Variants in PHF20 observed in about 807,000 individuals in gnomAD.
PHF20 encodes the protein glioma-expressed antigen 2.
A neutral mutation model predicts 113.5 loss-of-function variants in PHF20; 23 were observed. That is an observed-to-expected ratio of 0.20 (90% CI 0.15 to 0.29). The LOEUF (loss-of-function observed/expected upper bound fraction) is 0.29. Among genes scored for constraint, PHF20 ranks in the 10% least tolerant of loss-of-function variants. The probability of loss-of-function intolerance (pLI) is 1.00; values close to 1 mark genes in which losing one functional copy is unlikely to be tolerated. For missense variants in PHF20, 943 were observed against 1,219.6 expected, an observed-to-expected ratio of 0.77 and a Z score of 3.38; for synonymous variants, 434 against 457.3, an observed-to-expected ratio of 0.95 and a Z score of 0.65.
intron 17 of PHF20, among the ~76,000 whole-genome samples, chr20:35,944,393 C>T (rs770973467): frequency 5.9e-5 from 9 of 152,086 alleles, no homozygotes; most frequent in Non-Finnish European, 1.2e-4. Context: ...CCTCCTGGGC[C>T]ACCGTAGTAT....
chr20:35,920,010 G>T (rs2055481157), intron 13 of PHF20, among the ~76,000 whole-genome samples: 1 of 152,160 alleles, frequency 6.6e-6, no homozygotes, highest in Non-Finnish European at 1.5e-5. Flanking sequence ...ATACTCATTT[G>T]TGTGTGCATA....
intron 2 of PHF20, among the ~76,000 whole-genome samples, chr20:35,804,161 G>A (rs1237598204): frequency 3.3e-5 from 5 of 150,962 alleles, no homozygotes; most frequent in Non-Finnish European, 5.9e-5. Flanking sequence ...TGCAACATCC[G>A]CCTCCTGGGT....
chr20:35,841,886 T>G (rs970823423), intron 2 of PHF20, among the ~76,000 whole-genome samples: 8 of 152,248 alleles, frequency 5.3e-5, no homozygotes, highest in Admixed American at 3.3e-4. Flanking sequence ...TCTGATTTAT[T>G]GGCACATGTA....
intron 2 of PHF20, among the ~76,000 whole-genome samples, chr20:35,804,700 A>T (rs1331103996): frequency 2.0e-5 from 3 of 150,164 alleles, no homozygotes; most frequent in Non-Finnish European, 3.0e-5. Flanking sequence ...TTTTTATTGT[A>T]TTTTTTTTTA....
At chr20:35,845,250 T>A (rs1489888259) in intron 3 of PHF20, 1 of 152,038 alleles carries the variant, frequency 6.6e-6, no homozygotes, top group African/African-American at 2.4e-5. Context: ...TTTTTAATTT[T>A]ATTTATTAAT....
At chr20:35,905,925 G>A (rs2055193423) in intron 10 of PHF20, among the ~76,000 whole-genome samples, 1 of 152,236 alleles carries the variant, frequency 6.6e-6, no homozygotes, top group South Asian at 2.1e-4. Context: ...GGTCAGTTTA[G>A]ATTTGCTTTT....
chr20:35,891,855 T>A (rs2054870324), intron 9 of PHF20, among the ~76,000 whole-genome samples: 1 of 151,972 alleles, frequency 6.6e-6, no homozygotes, highest in African/African-American at 2.4e-5. Flanking sequence ...ATTCTATTTT[T>A]TATATATTAT....
chr20:35,854,843 A>G (rs905235922), intron 4 of PHF20, among the ~76,000 whole-genome samples: 1 of 152,200 alleles, frequency 6.6e-6, no homozygotes, highest in Non-Finnish European at 1.5e-5. Flanking sequence ...TAGCTGTCTC[A>G]GACTTAATCA....
In PHF20 at chr20:35,842,615, A is replaced by G. The variant is rs1399350924; in HGVS notation, c.126A>G (p.Lys42=). 21 of 1,613,886 alleles carry G rather than the reference A, an allele frequency of 1.3e-5. No individual in the cohort carries two copies. The highest frequency in any genetic ancestry group is 1.8e-5 in the Non-Finnish European group (21 of 1,179,956). ...HIEDIDYEEG[K]VLIHFKRWNH... is the part of the protein sequence containing the mutation. ...AAGACATTGACTACGAGGAAGGAAA[A>G]GTACTCATCCATTTCAAGCGTTGGA... The change falls in exon 3 of 18, where the codon AAA becomes AAG. Residue 42 remains lysine, a synonymous_variant. Coordinates refer to ENST00000374012, the MANE Select transcript of PHF20 (RefSeq NM_016436.5).
intron 14 of PHF20, among the ~76,000 whole-genome samples, chr20:35,930,339 A>G (rs917290220): frequency 2.0e-5 from 3 of 152,226 alleles, no homozygotes; most frequent in African/African-American, 7.2e-5. Context: ...GGAGCCAGAA[A>G]CAGAAGTTAA....
Position 35,917,551 on chromosome 20 carries a change from T to C in PHF20, c.1893T>C (p.Asp631=), listed in dbSNP as rs759823422. Residue 631 remains aspartate, a synonymous_variant, in exon 13 of 18, where the codon GAT becomes GAC. Coordinates refer to ENST00000374012, the MANE Select transcript of PHF20 (RefSeq NM_016436.5). ...GGAGTGATGATGAGTATGGCCAAGA[T>C]GTGGATGTGACCACCAACCCAGATG... ...FLWSDDEYGQ[D]VDVTTNPDEE... 1 of 1,614,106 alleles carries C rather than the reference T, an allele frequency of 6.2e-7. No homozygotes were observed. Among genetic ancestry groups the C allele is most frequent in the East Asian group, 2.2e-5 (1 of 44,880 alleles).
intron 3 of PHF20, among the ~76,000 whole-genome samples, chr20:35,844,543 CCACACACACACACACACACACACA>C (rs61622083): frequency 1.7e-5 from 2 of 117,710 alleles, no homozygotes; most frequent in Admixed American, 1.8e-4. Flanking sequence ...TTCACCATCA[CCACACACACACACACACACACACA>C]CACACACACA....
intron 13 of PHF20, among the ~76,000 whole-genome samples, chr20:35,924,871 G>C (rs1288911782): frequency 6.6e-6 from 1 of 151,088 alleles, no homozygotes; most frequent in African/African-American, 2.4e-5. Context: ...AAAGTGCGGG[G>C]ATTATAGACA....
rs200064404 is a variant in PHF20 at position 35,795,611 on chromosome 20, G to C, written c.-32-5880G>C. Reference sequence around the variant, plus strand: ...CTCATTTAATTCTCATAGCACCCACGATAGGGGCCATTATCCCCATATCAT... The same window carrying C: ...CTCATTTAATTCTCATAGCACCCACCATAGGGGCCATTATCCCCATATCAT... On this transcript the variant is annotated intron_variant, in intron 1 of 17. Transcript: ENST00000374012. Among the ~76,000 whole-genome samples, 20 of 152,104 alleles carry C rather than the reference G, an allele frequency of 1.3e-4. No homozygotes were observed. In the East Asian group the frequency reaches 3.7e-3, roughly 28 times the overall value.
At chr20:35,785,903 G>A (rs1332396652) in intron 1 of PHF20, among the ~76,000 whole-genome samples, 2 of 151,234 alleles carry the variant, frequency 1.3e-5, no homozygotes, top group Non-Finnish European at 2.9e-5. Flanking sequence ...ATGGTTGCAG[G>A]TGCCTGTCAT....
At chr20:35,834,635 A>G (rs1346668681) in intron 2 of PHF20, among the ~76,000 whole-genome samples, 1 of 152,022 alleles carries the variant, frequency 6.6e-6, no homozygotes, top group Admixed American at 6.6e-5. Flanking sequence ...GGGAAATCTC[A>G]TGGAGCTCAC....
At chr20:35,914,714 C>T (rs1256961858) in intron 12 of PHF20, among the ~76,000 whole-genome samples, 1 of 151,984 alleles carries the variant, frequency 6.6e-6, no homozygotes, top group Non-Finnish European at 1.5e-5. Flanking sequence ...CTTGTAATCC[C>T]TACACTTTGT....
At chr20:35,795,675 A>G (rs936978377) in intron 1 of PHF20, among the ~76,000 whole-genome samples, 11 of 152,124 alleles carry the variant, frequency 7.2e-5, no homozygotes, top group African/African-American at 2.7e-4. Flanking sequence ...GCTTGTAAAT[A>G]AACTTGGGGT....
intron 15 of PHF20, among the ~76,000 whole-genome samples, chr20:35,936,802 A>C (rs763743981): frequency 2.6e-5 from 4 of 152,224 alleles, no homozygotes; most frequent in Non-Finnish European, 4.4e-5. Flanking sequence ...TTTGAAGAGC[A>C]CTTTACCACC....
Sources: gnomAD v4.1 joint callset for allele counts (sites outside exome capture counted in the v4.1 genomes callset) on GRCh38, gnomAD v4.1.1 for gene constraint, MANE v1.5 for transcripts, NCBI Gene and HGNC (gene_info 2026-07-23, HGNC 2026-07-21) for gene names.